The following PTCHD4 variants were observed in gnomAD, a reference collection of about 807,000 sequenced individuals.
PTCHD4 encodes patched domain containing 4, also known as patched domain-containing protein 4.
PTCHD4 carries 33 observed loss-of-function variants against 58.1 expected under a neutral mutation model. The ratio of observed to expected loss-of-function variants is 0.57; its 90% CI spans 0.43 to 0.76. The LOEUF is 0.76. PTCHD4 is among the 30% of genes least tolerant of loss of function. The pLI is 0.00. For synonymous variants in PTCHD4, 478 were observed against 409.6 expected, an observed-to-expected ratio of 1.17 and a Z score of -2.02; for missense variants, 1,058 against 1,027.1, an observed-to-expected ratio of 1.03 and a Z score of -0.41.
Position 47,877,838 on chromosome 6 carries a change from G to A in PTCHD4, c.*465C>T, listed in dbSNP as rs1239517692. On this transcript the variant is annotated 3_prime_UTR_variant, in exon 5 of 5. Coordinates refer to ENST00000339488, the MANE Select transcript of PTCHD4 (RefSeq NM_001384253.1). ...ATTGGGAAGTCCTTTGGTTTAGACA[G>A]TATTAAATATGTACTTCCCAAGTGC... Among the ~76,000 whole-genome samples the A allele has an allele frequency of 1.3e-5, 2 of 152,030 alleles. No homozygotes were observed. Among genetic ancestry groups the A allele is most frequent in the Non-Finnish European group, 2.9e-5 (2 of 67,970 alleles).
Position 47,876,675 on chromosome 6 carries a change from T to C in PTCHD4, c.*1628A>G, listed in dbSNP as rs1351402484. 6.6e-6 allele frequency among the ~76,000 whole-genome samples: 1 copy of C among 152,020 alleles called. No homozygotes were observed. The highest frequency in any genetic ancestry group is 1.9e-4 in the East Asian group (1 of 5,166). On this transcript the variant is annotated 3_prime_UTR_variant, in exon 5 of 5. Coordinates refer to ENST00000339488, the MANE Select transcript of PTCHD4 (RefSeq NM_001384253.1). ...TAGCTTTCTTCTAGGTAAAAGAGCT[T>C]ACTAGCAGATTTTATAATCATCGGA...
chr6:48,081,601 A>C (rs998456939), intron 1 of PTCHD4, among the ~76,000 whole-genome samples: 5 of 152,166 alleles, frequency 3.3e-5, no homozygotes, highest in African/African-American at 1.2e-4. Flanking sequence ...TAAAGTTATA[A>C]AATAATTATT....
chr6:48,102,709 GA>G (rs1413250204), intron 1 of PTCHD4, among the ~76,000 whole-genome samples: 1 of 152,238 alleles, frequency 6.6e-6, no homozygotes, highest in Non-Finnish European at 1.5e-5. Context: ...CCTAGTCAAA[GA>G]AAGGGGTGAC....
At chr6:47,952,613 G>GTTATACCTTGCTATACCTTTT (rs1766697274) in intron 4 of PTCHD4, among the ~76,000 whole-genome samples, 1 of 151,978 alleles carries the variant, frequency 6.6e-6, no homozygotes, top group Non-Finnish European at 1.5e-5. Flanking sequence ...CCATATTTTT[G>GTTATACCTTGCTATACCTTTT]TTATACCTTG....
chr6:47,871,875 C>T lies in PTCHD4; in HGVS notation c.*6428G>A, dbSNP rs1763721117. Among the ~76,000 whole-genome samples the T allele has an allele frequency of 6.6e-6, 1 of 151,512 alleles. No homozygotes were observed. The highest frequency in any genetic ancestry group is 1.5e-5 in the Non-Finnish European group (1 of 67,720). On this transcript the variant is annotated 3_prime_UTR_variant, in exon 5 of 5. Coordinates refer to ENST00000339488, the MANE Select transcript of PTCHD4 (RefSeq NM_001384253.1). ...AAAGTTGTTGCTTAAACTACTAAAA[C>T]TTTGGGATATTTGCATTGACTAGTT...
intron 4 of PTCHD4, among the ~76,000 whole-genome samples, chr6:47,922,440 C>G (rs572562756): frequency 2.8e-4 from 42 of 152,322 alleles, no homozygotes; most frequent in Non-Finnish European, 5.9e-4. Flanking sequence ...TACCAGCCCC[C>G]CTGCCGGCCC....
intron 4 of PTCHD4, among the ~76,000 whole-genome samples, chr6:47,992,070 A>G (rs1008908446): frequency 2.0e-5 from 3 of 152,148 alleles, no homozygotes; most frequent in Non-Finnish European, 2.9e-5. Context: ...ACTATACACA[A>G]TTTACCAGAC....
Position 47,865,252 on chromosome 6 carries a change from G to A in PTCHD4, c.*13051C>T, listed in dbSNP as rs553075592. On this transcript the variant is annotated 3_prime_UTR_variant, in exon 5 of 5. Transcript: ENST00000339488. ...GCCTATTTATGTTCCTAAGATATTC[G>A]TTTCTTCCTCTTTGACTCATCTTTT... 6.6e-5 allele frequency among the ~76,000 whole-genome samples: 10 copies of A among 151,898 alleles called. No homozygotes were observed. The highest frequency in any genetic ancestry group is 2.1e-4 in the South Asian group (1 of 4,826).
intron 3 of PTCHD4, among the ~76,000 whole-genome samples, chr6:48,061,395 A>G (rs899540962): frequency 1.3e-5 from 2 of 152,190 alleles, no homozygotes; most frequent in African/African-American, 4.8e-5. Flanking sequence ...CCATGATAAC[A>G]CCATGATAAA....
At chr6:47,955,923 T>G (rs2113957253) in intron 4 of PTCHD4, among the ~76,000 whole-genome samples, 1 of 152,320 alleles carries the variant, frequency 6.6e-6, no homozygotes, top group Non-Finnish European at 1.5e-5. Context: ...TTCTCACAAC[T>G]TTTACCTAAA....
rs1763321708 is a variant in PTCHD4, at chr6:47,856,879, T to C, written c.*21424A>G. On this transcript the variant is annotated 3_prime_UTR_variant, in exon 5 of 5. Coordinates refer to ENST00000339488, the MANE Select transcript of PTCHD4 (RefSeq NM_001384253.1). ...ATAAAAAAGCATATAGTCATCAACC[T>C]TTATATAAATCCATATATGTTTGTA... 6.6e-6 allele frequency among the ~76,000 whole-genome samples: 1 copy of C among 152,060 alleles called. No homozygotes were observed. Among genetic ancestry groups the C allele is most frequent in the Non-Finnish European group, 1.5e-5 (1 of 67,990 alleles).
intron 1 of PTCHD4, among the ~76,000 whole-genome samples, chr6:48,092,660 G>A (rs1765390658): frequency 6.6e-6 from 1 of 152,106 alleles, no homozygotes; most frequent in African/African-American, 2.4e-5. Flanking sequence ...AGCCAAAATG[G>A]GGGTACCAAA....
At chr6:47,927,736 C>T (rs1398389477) in intron 4 of PTCHD4, among the ~76,000 whole-genome samples, 1 of 151,404 alleles carries the variant, frequency 6.6e-6, no homozygotes, top group Non-Finnish European at 1.5e-5. Flanking sequence ...TTATTTTTTC[C>T]ATTTTTAAAA....
intron 4 of PTCHD4, among the ~76,000 whole-genome samples, chr6:47,960,664 A>G (rs888601508): frequency 1.3e-5 from 2 of 152,042 alleles, no homozygotes; most frequent in African/African-American, 2.4e-5. Flanking sequence ...AAACATAATA[A>G]TCCTCCTAAT....
intron 1 of PTCHD4, among the ~76,000 whole-genome samples, chr6:48,086,893 C>A (rs918572670): frequency 6.6e-6 from 1 of 152,082 alleles, no homozygotes; most frequent in Non-Finnish European, 1.5e-5. Context: ...TATTCTTGTT[C>A]TTTTCTAAAT....
intron 1 of PTCHD4, among the ~76,000 whole-genome samples, chr6:48,072,898 T>C (rs1023569912): frequency 1.3e-5 from 2 of 152,026 alleles, no homozygotes; most frequent in African/African-American, 4.8e-5. Context: ...AAATATATAT[T>C]TTTAATAAGA....
At chr6:48,026,671 C>T (rs1437226235) in intron 3 of PTCHD4, among the ~76,000 whole-genome samples, 2 of 152,042 alleles carry the variant, frequency 1.3e-5, no homozygotes, top group African/African-American at 4.8e-5. Flanking sequence ...GATTCAGGGT[C>T]TCTCAAAAAC....
In PTCHD4 at chr6:47,860,272, C is replaced by T. The variant is rs1294516698; in HGVS notation, c.*18031G>A. On this transcript the variant is annotated 3_prime_UTR_variant, in exon 5 of 5. Transcript: ENST00000339488. ...AACACATCATACTTTTTCTTCATCCCATATAGCACATGATGTTAAACTCAA... is the reference window on the plus strand; with the variant it reads ...AACACATCATACTTTTTCTTCATCCTATATAGCACATGATGTTAAACTCAA... Among the ~76,000 whole-genome samples, 3 of 151,848 alleles carry T rather than the reference C, an allele frequency of 2.0e-5. No homozygotes were observed. The highest frequency in any genetic ancestry group is 7.3e-5 in the African/African-American group (3 of 41,352).
At chr6:47,884,819 G>A (rs1764132480) in intron 4 of PTCHD4, among the ~76,000 whole-genome samples, 2 of 152,176 alleles carry the variant, frequency 1.3e-5, no homozygotes, top group South Asian at 4.1e-4. Flanking sequence ...TGAGGGATCA[G>A]GGAAAGCTTC....
Sources: allele counts gnomAD v4.1 joint callset (sites outside exome capture counted in the v4.1 genomes callset), GRCh38; gene constraint gnomAD v4.1.1; transcripts MANE v1.5; gene names NCBI Gene and HGNC (gene_info 2026-07-23, HGNC 2026-07-21).